The following DMD variants were observed in gnomAD, a reference collection of about 807,000 sequenced individuals.
The protein encoded by DMD is dystrophin, also known as mutant dystrophin.
DMD carries 63 observed loss-of-function variants against 330.1 expected under a neutral mutation model. That is an observed-to-expected ratio of 0.19 (90% CI 0.16 to 0.24). The LOEUF (loss-of-function observed/expected upper bound fraction) is 0.24, where lower values mean the gene tolerates loss of function less well. DMD is among the 10% of genes least tolerant of loss of function. DMD has a pLI of 1.00. For synonymous variants in DMD, 1,223 were observed against 959.8 expected (o/e 1.27, Z -5.07); for missense variants, 3,344 against 2,684.1 (o/e 1.25, Z -5.43).
chrX:32,782,364 G>C (rs1027773596), intron 7 of DMD, among the ~76,000 whole-genome samples: 1 of 111,740 alleles, frequency 8.9e-6, no homozygotes, highest in African/African-American at 3.3e-5. Flanking sequence ...TCTGAGAAGG[G>C]TTAAATCAAC....
chrX:32,782,559 T>G (rs768434840), intron 7 of DMD, among the ~76,000 whole-genome samples: 24 of 111,330 alleles, frequency 2.2e-4, no homozygotes, highest in Non-Finnish European at 4.0e-4. Flanking sequence ...AAGTTCTTCC[T>G]GCAGTCACAG....
intron 15 of DMD, among the ~76,000 whole-genome samples, chrX:32,569,913 T>C (rs1408873021): frequency 8.9e-6 from 1 of 111,737 alleles, no homozygotes; most frequent in African/African-American, 3.3e-5. Flanking sequence ...ATTTACGTGA[T>C]TCTACAAGTC....
intron 44 of DMD, among the ~76,000 whole-genome samples, chrX:32,201,859 C>T (rs987468553): frequency 9.0e-6 from 1 of 111,547 alleles, no homozygotes. Flanking sequence ...CTTCCAAATT[C>T]TCATAAGTCA....
chrX:32,536,284 A>AAAAAG (rs2047972541), intron 17 of DMD, among the ~76,000 whole-genome samples: 2 of 102,649 alleles, frequency 1.9e-5, no homozygotes, highest in African/African-American at 7.0e-5. Flanking sequence ...AAAAAAAAAA[A>AAAAAG]AAAACACACA....
intron 7 of DMD, among the ~76,000 whole-genome samples, chrX:32,761,595 T>C (rs890946814): frequency 1.8e-5 from 2 of 111,682 alleles, no homozygotes; most frequent in African/African-American, 6.5e-5. Context: ...AGTCTGTCAG[T>C]GGAGTTACAT....
At chrX:33,306,403 T>A in intron 1 of DMD, among the ~76,000 whole-genome samples, 1 of 111,877 alleles carries the variant, frequency 8.9e-6, no homozygotes, top group Non-Finnish European at 1.9e-5. Flanking sequence ...ATACATGATT[T>A]AATATAACGT....
At chrX:32,595,188 T>C (rs745635842) in intron 13 of DMD, among the ~76,000 whole-genome samples, 13 of 111,431 alleles carry the variant, frequency 1.2e-4, no homozygotes, top group Non-Finnish European at 2.3e-4. Context: ...TACCGATATT[T>C]AGTAGATGTC....
intron 1 of DMD, among the ~76,000 whole-genome samples, chrX:33,137,672 A>G (rs1011831607): frequency 2.7e-5 from 3 of 111,755 alleles, no homozygotes; most frequent in African/African-American, 9.8e-5. Flanking sequence ...CAGTGCCTGT[A>G]TATGGTAAGT....
chrX:32,964,864 T>G (rs973690147), intron 2 of DMD, among the ~76,000 whole-genome samples: 1 of 112,352 alleles, frequency 8.9e-6, no homozygotes, highest in African/African-American at 3.2e-5. Flanking sequence ...TCAAACGTTA[T>G]ATACCTTTTG....
At chrX:33,151,628 C>G (rs1450428766) in intron 1 of DMD, among the ~76,000 whole-genome samples, 2 of 112,156 alleles carry the variant, frequency 1.8e-5, no homozygotes, top group Non-Finnish European at 3.8e-5. Flanking sequence ...CAAATTCTAG[C>G]TCTGCCACTT....
rs200005593 is a variant in DMD at position 32,782,134 on chromosome X, ATAAAT to A, written c.649+27354_649+27358del. Among the ~76,000 whole-genome samples, 531 of 112,103 alleles carry A rather than the reference ATAAAT, an allele frequency of 4.7e-3. 2 individuals carry two copies. The highest frequency in any genetic ancestry group is 0.024 in the Middle Eastern group (5 of 210). ...CTTTGAAAAATGTTCATTTCCAAAG[ATAAAT>A]TAAAGACAGATAATTTCACAGATCA... On this transcript the variant is annotated intron_variant, in intron 7 of 78. Coordinates refer to ENST00000357033, the MANE Select transcript of DMD (RefSeq NM_004006.3).
chrX:31,711,935 G>A (rs767132907), intron 52 of DMD, among the ~76,000 whole-genome samples: 107 of 110,621 alleles, frequency 9.7e-4, no homozygotes, highest in Middle Eastern at 4.7e-3. Context: ...GCATTTTGGG[G>A]ACTACACATA....
intron 74 of DMD, among the ~76,000 whole-genome samples, chrX:31,158,758 T>C (rs928180192): frequency 2.7e-5 from 3 of 112,239 alleles, no homozygotes; most frequent in African/African-American, 6.5e-5. Flanking sequence ...AATCTTATAA[T>C]GCTTTCTCCT....
intron 62 of DMD, among the ~76,000 whole-genome samples, chrX:31,266,372 G>A (rs1400972488): frequency 9.0e-6 from 1 of 111,634 alleles, no homozygotes; most frequent in African/African-American, 3.3e-5. Context: ...GGCACTTGCA[G>A]TGCAATGGAA....
intron 60 of DMD, 125 bp from the exon 61 acceptor site, chrX:31,348,759 A>C (rs1874606531): frequency 1.5e-5 from 9 of 595,263 alleles, no homozygotes; most frequent in Non-Finnish European, 2.3e-5. Flanking sequence ...GCAACATTTC[A>C]TAACTCTAGT....
At chrX:32,836,198 ATT>A (rs200071842) in intron 4 of DMD, among the ~76,000 whole-genome samples, 24 of 101,704 alleles carry the variant, frequency 2.4e-4, no homozygotes, top group Admixed American at 6.4e-4. Flanking sequence ...CACCCGTCTA[ATT>A]TTTTTTTTTT....
At position 32,438,481 on chromosome X, in the gene DMD, A is replaced by G; in HGVS notation, c.3922-91T>C. 5 of 1,038,324 alleles carry G rather than the reference A, an allele frequency of 4.8e-6. No homozygotes were observed. In the South Asian group the frequency reaches 1.0e-4, roughly 21 times the overall value. The allele number at this position is 1,038,324 out of a possible 1,213,427, so 85.6% of individuals were successfully genotyped here. ...ATGCTCAGTATCTTCTGATTTACATATAATTAAGTCATAATCAATTTAAAG... is the reference window on the plus strand; with the variant it reads ...ATGCTCAGTATCTTCTGATTTACATGTAATTAAGTCATAATCAATTTAAAG... On this transcript the variant is annotated intron_variant, in intron 28 of 78. Coordinates refer to ENST00000357033, the MANE Select transcript of DMD (RefSeq NM_004006.3).
At chrX:31,615,731 T>C (rs1254383846) in intron 55 of DMD, among the ~76,000 whole-genome samples, 1 of 111,940 alleles carries the variant, frequency 8.9e-6, no homozygotes, top group African/African-American at 3.2e-5. Flanking sequence ...CAGTAACCAA[T>C]ATTTCAAGCA....
At chrX:31,780,311 T>C (rs2090944306) in intron 50 of DMD, among the ~76,000 whole-genome samples, 1 of 112,389 alleles carries the variant, frequency 8.9e-6, no homozygotes, top group Non-Finnish European at 1.9e-5. Flanking sequence ...TTCACTTTTA[T>C]ATTTGAAAAA....
Sources: gnomAD v4.1 joint callset for allele counts (sites outside exome capture counted in the v4.1 genomes callset) on GRCh38, gnomAD v4.1.1 for gene constraint, MANE v1.5 for transcripts, NCBI Gene and HGNC (gene_info 2026-07-23, HGNC 2026-07-21) for gene names.